OXCT1: variants seen among roughly 807,000 people sequenced by gnomAD.
The protein encoded by OXCT1 is succinyl-CoA:3-ketoacid coenzyme A transferase 1, mitochondrial.
In OXCT1, 27 loss-of-function variants were observed where a neutral mutation model predicts 69.6. The observed-to-expected ratio is 0.39, with a 90% CI of 0.29 to 0.54. The LOEUF (loss-of-function observed/expected upper bound fraction) is 0.54, where lower values mean the gene tolerates loss of function less well. OXCT1 is among the 20% of genes least tolerant of loss of function. The pLI is 0.72. For missense variants in OXCT1, 437 were observed against 650.2 expected, an observed-to-expected ratio of 0.67 and a Z score of 3.57; for synonymous variants, 202 against 217.8, an observed-to-expected ratio of 0.93 and a Z score of 0.64.
At chr5:41,833,164 C>T (rs1400189114) in intron 7 of OXCT1, among the ~76,000 whole-genome samples, 1 of 152,018 alleles carries the variant, frequency 6.6e-6, no homozygotes, top group Non-Finnish European at 1.5e-5. Context: ...TATAGAACAC[C>T]AAGCAAATTT....
rs1337801147 is a variant in OXCT1, at chr5:41,850,158, G to A, written c.436C>T (p.Arg146Cys). 1.9e-6 allele frequency: 3 copies of A among 1,613,598 alleles called. No individual in the cohort carries two copies. The highest frequency in any genetic ancestry group is 1.7e-5 in the Admixed American group (1 of 59,946). Residue 146 changes from arginine to cysteine, a missense_variant, in exon 5 of 17, where the codon CGT becomes TGT. Physicochemically the swap from Arg to Cys is radical, Grantham distance 180. Transcript: ENST00000196371. ...TPQGTLAERI[R>C]AGGAGVPAFY... ...GCAGGAACTCCAGCCCCGCCTGCACGGATCCTCTCTGCAAGTGTGCCCTGC... is the reference window on the plus strand; with the variant it reads ...GCAGGAACTCCAGCCCCGCCTGCACAGATCCTCTCTGCAAGTGTGCCCTGC...
intron 4 of OXCT1, among the ~76,000 whole-genome samples, chr5:41,851,780 A>G (rs1435065467): frequency 6.6e-6 from 1 of 152,234 alleles, no homozygotes; most frequent in Non-Finnish European, 1.5e-5. Context: ...AACATAAAAG[A>G]TACCAAGGGT....
At chr5:41,805,215 C>T (rs1262320901) in intron 9 of OXCT1, among the ~76,000 whole-genome samples, 1 of 151,964 alleles carries the variant, frequency 6.6e-6, no homozygotes, top group East Asian at 1.9e-4. Flanking sequence ...GTAAATAGCA[C>T]TGGTTATCAC....
chr5:41,771,219 G>C (rs185178057), intron 13 of OXCT1, among the ~76,000 whole-genome samples: 31 of 152,162 alleles, frequency 2.0e-4, no homozygotes, highest in Non-Finnish European at 3.7e-4. Flanking sequence ...ATTCAAGAGG[G>C]TCTCCATAGT....
chr5:41,832,333 CAGAGAGAG>C (rs148562121), intron 7 of OXCT1, among the ~76,000 whole-genome samples: 26 of 147,026 alleles, frequency 1.8e-4, no homozygotes, highest in Non-Finnish European at 2.6e-4. Context: ...CGGTTCAGCA[CAGAGAGAG>C]AGAGAGAGAG....
intron 1 of OXCT1, among the ~76,000 whole-genome samples, chr5:41,869,727 G>C (rs1750189731): frequency 6.6e-6 from 1 of 152,128 alleles, no homozygotes; most frequent in Non-Finnish European, 1.5e-5. Flanking sequence ...ATAGGGAGGA[G>C]AGGATGGGAG....
intron 13 of OXCT1, among the ~76,000 whole-genome samples, chr5:41,789,892 T>C (rs1438562634): frequency 6.6e-6 from 1 of 152,230 alleles, no homozygotes; most frequent in Non-Finnish European, 1.5e-5. Flanking sequence ...TGTAGTTTTA[T>C]AACCAGGAAT....
chr5:41,853,715 G>A (rs1561131037), intron 3 of OXCT1, 161 bp from the exon 4 acceptor site: 1 of 774,002 alleles, frequency 1.3e-6, no homozygotes, highest in Non-Finnish European at 2.2e-6. Flanking sequence ...ACTTTTGCAA[G>A]GTAGCTATCC....
chr5:41,813,824 A>G (rs1467904463), intron 7 of OXCT1, among the ~76,000 whole-genome samples: 1 of 152,156 alleles, frequency 6.6e-6, no homozygotes, highest in African/African-American at 2.4e-5. Flanking sequence ...TCTTGCAATC[A>G]AGTGAGTTAT....
chr5:41,811,273 T>C (rs904553037), intron 7 of OXCT1, among the ~76,000 whole-genome samples: 5 of 152,006 alleles, frequency 3.3e-5, no homozygotes, highest in Non-Finnish European at 5.9e-5. Flanking sequence ...TAAAAATCTA[T>C]TGTACCTCTC....
intron 14 of OXCT1, among the ~76,000 whole-genome samples, chr5:41,753,115 T>A (rs1743876537): frequency 2.6e-5 from 4 of 152,144 alleles, no homozygotes; most frequent in South Asian, 2.1e-4. Flanking sequence ...TGCAATGAAC[T>A]TAATCCCAAA....
intron 7 of OXCT1, among the ~76,000 whole-genome samples, chr5:41,814,085 A>G (rs572179002): frequency 5.7e-4 from 87 of 152,194 alleles, no homozygotes; most frequent in South Asian, 4.6e-3. Flanking sequence ...AATTGATGCT[A>G]TCATGTATAT....
chr5:41,731,707 G>A lies in OXCT1; in HGVS notation c.*22C>T. The A allele has an allele frequency of 6.3e-7, 1 of 1,599,924 alleles. No homozygotes were observed. The highest frequency in any genetic ancestry group is 8.5e-7 in the Non-Finnish European group (1 of 1,172,482). On this transcript the variant is annotated 3_prime_UTR_variant, in exon 17 of 17. Coordinates refer to ENST00000196371, the MANE Select transcript of OXCT1 (RefSeq NM_000436.4). Reference sequence around the variant, plus strand: ...GTGTGTTTAAAATGAAAAACACGCAGCCTGGTACAAATATCCATATTTCAA... The same window carrying A: ...GTGTGTTTAAAATGAAAAACACGCAACCTGGTACAAATATCCATATTTCAA...
intron 12 of OXCT1, 106 bp downstream of exon 12, chr5:41,794,569 TTC>T: frequency 1.0e-6 from 1 of 995,578 alleles, no homozygotes; most frequent in South Asian, 1.4e-5. Context: ...CCTGATAGTT[TTC>T]TGGCTGGGAA....
chr5:41,801,078 AT>A lies in OXCT1; in HGVS notation c.1051-9del. The A allele has an allele frequency of 6.3e-7, 1 of 1,595,648 alleles. No individual in the cohort carries two copies. The highest frequency in any genetic ancestry group is 8.6e-7 in the Non-Finnish European group (1 of 1,163,282). Reference sequence around the variant, plus strand: ...TTGTCGTGGATATGGACCCTGTCAAATACAACATACATTCAATTAGTAAATG... The same window carrying A: ...TTGTCGTGGATATGGACCCTGTCAAAACAACATACATTCAATTAGTAAATG... On this transcript the variant is annotated splice_polypyrimidine_tract_variant and intron_variant, in intron 10 of 16. Transcript: ENST00000196371.
At chr5:41,758,503 T>C (rs55734833) in intron 14 of OXCT1, among the ~76,000 whole-genome samples, 33 of 150,720 alleles carry the variant, frequency 2.2e-4, no homozygotes, top group Middle Eastern at 3.4e-3. Flanking sequence ...AGGGAACCCA[T>C]AAAGGAAGGA....
chr5:41,809,940 C>A (rs1746883673), intron 7 of OXCT1, among the ~76,000 whole-genome samples: 1 of 152,122 alleles, frequency 6.6e-6, no homozygotes, highest in African/African-American at 2.4e-5. Context: ...GTCAAAATAA[C>A]AACACTCAAC....
chr5:41,828,943 G>C (rs1412131275), intron 7 of OXCT1, among the ~76,000 whole-genome samples: 1 of 152,040 alleles, frequency 6.6e-6, no homozygotes, highest in Non-Finnish European at 1.5e-5. Context: ...TTAGCTCTCA[G>C]ACTGTATAAA....
intron 7 of OXCT1, among the ~76,000 whole-genome samples, chr5:41,823,089 G>A (rs999601082): frequency 2.0e-5 from 3 of 151,844 alleles, no homozygotes; most frequent in Non-Finnish European, 2.9e-5. Flanking sequence ...ACTTGAGTTT[G>A]CAATATACAT....
Sources: gnomAD v4.1 joint callset for allele counts (sites outside exome capture counted in the v4.1 genomes callset) on GRCh38, gnomAD v4.1.1 for gene constraint, MANE v1.5 for transcripts, NCBI Gene and HGNC (gene_info 2026-07-23, HGNC 2026-07-21) for gene names.